MTO1: variants seen among roughly 807,000 people sequenced by gnomAD.
MTO1 encodes the protein mitochondrial tRNA translation optimization 1, also known as 5-taurinomethyluridine-[tRNA] synthase subunit MTO1, mitochondrial.
In MTO1, 46 loss-of-function variants were observed where a neutral mutation model predicts 71.6. That is an observed-to-expected ratio of 0.64 (90% CI 0.51 to 0.82). The LOEUF is 0.82. Among genes scored for constraint, MTO1 ranks in the 40% least tolerant of loss-of-function variants. MTO1 has a pLI of 0.00. For missense variants in MTO1, 773 were observed against 867.5 expected (o/e 0.89, Z 1.37); for synonymous variants, 297 against 312.1 (o/e 0.95, Z 0.51).
intron 3 of MTO1, chr6:73,471,638 G>A: frequency 4.4e-6 from 1 of 225,298 alleles, no homozygotes; most frequent in Non-Finnish European, 9.0e-6. Context: ...GACTGGTCTT[G>A]AACCCCAGGG....
At chr6:73,466,066 T>G in intron 1 of MTO1, 143 bp from the exon 2 acceptor site, 1 of 817,560 alleles carries the variant, frequency 1.2e-6, no homozygotes, top group Non-Finnish European at 1.9e-6. Flanking sequence ...GTCTTTGGGA[T>G]TTTCTTTGTA....
chr6:73,477,847 C>T (rs532402863), intron 4 of MTO1, among the ~76,000 whole-genome samples: 14 of 152,102 alleles, frequency 9.2e-5, no homozygotes, highest in Non-Finnish European at 1.8e-4. Context: ...TCATGCATTG[C>T]GTTTAATTGT....
chr6:73,490,934 A>C (rs73450697), intron 9 of MTO1, among the ~76,000 whole-genome samples: 5,981 of 152,204 alleles, frequency 0.039, 385 homozygotes, highest in African/African-American at 0.14. Flanking sequence ...TGGTCATAGG[A>C]GCTCCAGCAC....
At chr6:73,465,712 C>T (rs1247491645) in intron 1 of MTO1, among the ~76,000 whole-genome samples, 3 of 151,972 alleles carry the variant, frequency 2.0e-5, no homozygotes, top group East Asian at 1.9e-4. Context: ...TCAGGCCGGG[C>T]GCGGTGGCTC....
In MTO1 at chr6:73,504,386, C is replaced by T. The variant is rs1772233043; in HGVS notation, c.*3651C>T. 2.0e-5 allele frequency: 3 copies of T among 152,248 alleles called. No individual in the cohort carries two copies. Among genetic ancestry groups the T allele is most frequent in the African/African-American group, 7.2e-5 (3 of 41,448 alleles). The allele number at this position is 152,248 out of a possible 1,614,324, so 9.4% of individuals were successfully genotyped here. ...GCTCAATTAATCCTCCCTCTTCAGC[C>T]TCCTGTGTAGGTGATAGTACAGGCA... is the stretch of plus-strand genomic sequence containing the variant. On this transcript the variant is annotated 3_prime_UTR_variant, in exon 12 of 12. Transcript: ENST00000498286.
At chr6:73,483,349 C>T (rs982976295) in intron 9 of MTO1, among the ~76,000 whole-genome samples, 9 of 151,852 alleles carry the variant, frequency 5.9e-5, no homozygotes, top group African/African-American at 1.9e-4. Flanking sequence ...GCAGAGGTTG[C>T]AGTGAGCCAA....
intron 3 of MTO1, among the ~76,000 whole-genome samples, chr6:73,470,017 G>A (rs1205373672): frequency 1.3e-5 from 2 of 151,842 alleles, no homozygotes; most frequent in Admixed American, 6.6e-5. Context: ...AAAAAGAAAA[G>A]ATTTGAACCA....
chr6:73,480,343 G>A lies in MTO1; in HGVS notation c.1129+217G>A. On this transcript the variant is annotated intron_variant, in intron 6 of 11. Coordinates refer to ENST00000498286, the MANE Select transcript of MTO1 (RefSeq NM_012123.4). ...GATGGAGTGCAATGGTGCGATCTCGGCTCACCACAACCTCCCCCTGCCAGG... is the reference window on the plus strand; with the variant it reads ...GATGGAGTGCAATGGTGCGATCTCGACTCACCACAACCTCCCCCTGCCAGG... 4.3e-6 allele frequency: 3 copies of A among 692,850 alleles called. No individual in the cohort carries two copies. The South Asian group carries it at 4.5e-5, about 10-fold the overall frequency. The allele number at this position is 692,850 out of a possible 1,614,324, so 42.9% of individuals were successfully genotyped here.
Position 73,500,863 on chromosome 6 carries a change from T to C in MTO1, c.*128T>C, listed in dbSNP as rs1475962208. On this transcript the variant is annotated 3_prime_UTR_variant, in exon 12 of 12. Transcript: ENST00000498286. ...GGTTACTATGGGTTTGCCATTAATT[T>C]CTGAGTGGGACAGAAATTATAATTG... 5 of 762,060 alleles carry C rather than the reference T, an allele frequency of 6.6e-6. No homozygotes were observed. The highest frequency in any genetic ancestry group is 9.3e-6 in the Non-Finnish European group (5 of 537,964). The allele number at this position is 762,060 out of a possible 1,614,324, so 47.2% of individuals were successfully genotyped here.
intron 9 of MTO1, among the ~76,000 whole-genome samples, chr6:73,483,713 G>A (rs942277207): frequency 3.3e-5 from 5 of 151,804 alleles, no homozygotes; most frequent in Admixed American, 2.6e-4. Context: ...CCAGCTTCTG[G>A]GTTCAAGTGA....
chr6:73,466,574 C>G lies in MTO1; in HGVS notation c.503C>G (p.Thr168Ser). The change falls in exon 3 of 12, where the codon ACT becomes AGT. Residue 168 changes from threonine to serine, a missense_variant. Physicochemically the swap from Thr to Ser is moderately conservative, Grantham distance 58. Transcript: ENST00000498286. Reference sequence around the variant, plus strand: ...CTTACAGAACCAGAGCCTGAACACACTGGGAAATGCCGTGTCAGTGGGGTT... The same window carrying G: ...CTTACAGAACCAGAGCCTGAACACAGTGGGAAATGCCGTGTCAGTGGGGTT... The part of the protein sequence containing the change: ...LILTEPEPEH[T>S]GKCRVSGVVL... 1 of 1,614,106 alleles carries G rather than the reference C, an allele frequency of 6.2e-7. No individual in the cohort carries two copies. Among genetic ancestry groups the G allele is most frequent in the Non-Finnish European group, 8.5e-7 (1 of 1,180,016 alleles).
chr6:73,485,441 CT>C (rs1234020094), intron 9 of MTO1, among the ~76,000 whole-genome samples: 2,511 of 141,958 alleles, frequency 0.018, 22 homozygotes, highest in African/African-American at 0.039. Context: ...TTCTTTCTTT[CT>C]TTTTTTTTTT....
chr6:73,463,415 C>G (rs1356411448), intron 1 of MTO1, among the ~76,000 whole-genome samples: 1 of 151,996 alleles, frequency 6.6e-6, no homozygotes, highest in Non-Finnish European at 1.5e-5. Flanking sequence ...TTTTTTTGCT[C>G]TAATGGGTAA....
intron 4 of MTO1, among the ~76,000 whole-genome samples, chr6:73,476,790 ATTTT>A (rs879559677): frequency 7.0e-6 from 1 of 142,890 alleles, no homozygotes. Flanking sequence ...TAAAATTTAA[ATTTT>A]TTTTTTTTTT....
intron 4 of MTO1, among the ~76,000 whole-genome samples, chr6:73,478,567 GTC>G (rs1251677798): frequency 1.3e-5 from 2 of 152,250 alleles, no homozygotes; most frequent in South Asian, 4.1e-4. Context: ...TTGAGACAGA[GTC>G]TTGCCCAGGC....
chr6:73,465,137 C>G (rs1770945727), intron 1 of MTO1, among the ~76,000 whole-genome samples: 1 of 151,752 alleles, frequency 6.6e-6, no homozygotes, highest in Admixed American at 6.6e-5. Flanking sequence ...TGAACCAGTG[C>G]CAAGGGGCTT....
chr6:73,464,835 C>CAAAAA (rs70996805), intron 1 of MTO1, among the ~76,000 whole-genome samples: 1 of 28,352 alleles, frequency 3.5e-5, no homozygotes, highest in Non-Finnish European at 6.5e-5. Flanking sequence ...AACTCTGTCT[C>CAAAAA]AAAAAAAAAA....
In MTO1 at chr6:73,509,118, T is replaced by A. The variant is rs936722776; in HGVS notation, c.*8383T>A. ...CAATCACATGATTGTACTGAAAATA[T>A]AACCAAGTTTTATTTATGTTTTTCA... is the stretch of plus-strand genomic sequence containing the variant. On this transcript the variant is annotated 3_prime_UTR_variant, in exon 12 of 12. Transcript: ENST00000498286. 3.3e-5 allele frequency: 5 copies of A among 152,230 alleles called. No homozygotes were observed. The highest frequency in any genetic ancestry group is 1.2e-4 in the African/African-American group (5 of 41,466). The allele number at this position is 152,230 out of a possible 1,614,324, so 9.4% of individuals were successfully genotyped here.
chr6:73,495,121 C>T (rs1369527350), intron 10 of MTO1, among the ~76,000 whole-genome samples: 1 of 152,090 alleles, frequency 6.6e-6, no homozygotes. Flanking sequence ...TATCACCTTG[C>T]AATGCTTTGG....
Sources: gnomAD v4.1 joint callset for allele counts (sites outside exome capture counted in the v4.1 genomes callset) on GRCh38, gnomAD v4.1.1 for gene constraint, MANE v1.5 for transcripts, NCBI Gene and HGNC (gene_info 2026-07-23, HGNC 2026-07-21) for gene names.